The following CCDC6 variants were observed in gnomAD, a reference collection of about 807,000 sequenced individuals.
CCDC6 encodes coiled-coil domain-containing protein 6.
In CCDC6, 20 loss-of-function variants were observed where a neutral mutation model predicts 56.6. The ratio of observed to expected loss-of-function variants is 0.35; its 90% CI spans 0.25 to 0.51. The LOEUF (loss-of-function observed/expected upper bound fraction) is 0.51, where lower values mean the gene tolerates loss of function less well. CCDC6 is among the 20% of genes least tolerant of loss of function. The pLI is 0.95. For synonymous variants in CCDC6, 241 were observed against 234.4 expected (o/e 1.03, Z -0.26); for missense variants, 367 against 601.1 (o/e 0.61, Z 4.07).
intron 2 of CCDC6, among the ~76,000 whole-genome samples, chr10:59,841,871 G>A (rs947588066): frequency 6.6e-6 from 1 of 151,752 alleles, no homozygotes; most frequent in African/African-American, 2.4e-5. Context: ...GTTTCACCAC[G>A]TTAGCCAGGA....
intron 2 of CCDC6, among the ~76,000 whole-genome samples, chr10:59,834,270 C>T (rs1441316275): frequency 3.3e-5 from 5 of 152,116 alleles, no homozygotes; most frequent in African/African-American, 7.2e-5. Flanking sequence ...CAGGGGCTCA[C>T]GCCTGTAATC....
In CCDC6 at chr10:59,884,936, C is replaced by T. The variant is rs150346128; in HGVS notation, c.303+21186G>A. ...AAAATTAGCCAGGCATGGTGACACA[C>T]GCCTGTAGTCCCAGCTGCTTGGGAG... On this transcript the variant is annotated intron_variant, in intron 1 of 8. Coordinates refer to ENST00000263102, the MANE Select transcript of CCDC6 (RefSeq NM_005436.5). Among the ~76,000 whole-genome samples the T allele has an allele frequency of 1.5e-3, 221 of 152,038 alleles. 1 individual carries two copies. The highest frequency in any genetic ancestry group is 3.9e-3 in the African/African-American group (163 of 41,468).
chr10:59,843,950 A>C (rs937990670), intron 2 of CCDC6, among the ~76,000 whole-genome samples: 16 of 152,076 alleles, frequency 1.1e-4, no homozygotes, highest in African/African-American at 3.6e-4. Context: ...CCAAAACCAC[A>C]ATTTACTATC....
In CCDC6 at chr10:59,792,443, A is replaced by C. The variant is rs527665676; in HGVS notation, c.*474T>G. 1 of 428,068 alleles carries C rather than the reference A, an allele frequency of 2.3e-6. No homozygotes were observed. The highest frequency in any genetic ancestry group is 2.0e-5 in the African/African-American group (1 of 50,402). The allele number at this position is 428,068 out of a possible 1,614,324, so 26.5% of individuals were successfully genotyped here. A position where few individuals can be genotyped will look rare whatever the true frequency, so the allele number is the denominator to read the frequency against. ...GTTCTACACTGAAAGCCAGATTTTC[A>C]AAGGTCTGAATTGTAGTGCTGAATT... On this transcript the variant is annotated 3_prime_UTR_variant, in exon 9 of 9. Coordinates refer to ENST00000263102, the MANE Select transcript of CCDC6 (RefSeq NM_005436.5).
At chr10:59,856,709 A>G (rs2071083148) in intron 1 of CCDC6, among the ~76,000 whole-genome samples, 1 of 152,170 alleles carries the variant, frequency 6.6e-6, no homozygotes, top group South Asian at 2.1e-4. Flanking sequence ...AGGCTACCTC[A>G]TGAAATCTCA....
At chr10:59,868,440 C>T (rs758993530) in intron 1 of CCDC6, among the ~76,000 whole-genome samples, 2 of 152,162 alleles carry the variant, frequency 1.3e-5, no homozygotes, top group South Asian at 2.1e-4. Flanking sequence ...GCCACTAGAC[C>T]GTTCCTGTGA....
chr10:59,838,606 G>A (rs150421350), intron 2 of CCDC6, among the ~76,000 whole-genome samples: 1 of 152,310 alleles, frequency 6.6e-6, no homozygotes, highest in African/African-American at 2.4e-5. Context: ...ATGGATGGGT[G>A]TAAGCCAGGG....
chr10:59,842,989 G>A (rs1247538685), intron 2 of CCDC6, among the ~76,000 whole-genome samples: 2 of 151,980 alleles, frequency 1.3e-5, no homozygotes, highest in East Asian at 1.9e-4. Context: ...TCCCGACTTC[G>A]TGATCCACCT....
At chr10:59,813,131 T>C (rs1460458292) in intron 4 of CCDC6, among the ~76,000 whole-genome samples, 2 of 152,234 alleles carry the variant, frequency 1.3e-5, no homozygotes, top group East Asian at 3.8e-4. Flanking sequence ...TGACTCAATG[T>C]TCAACTTCTT....
At chr10:59,864,916 A>G (rs943791467) in intron 1 of CCDC6, among the ~76,000 whole-genome samples, 2 of 152,236 alleles carry the variant, frequency 1.3e-5, no homozygotes, top group East Asian at 3.8e-4. Context: ...AAGAGTCACA[A>G]ACTACAAGGG....
At chr10:59,821,061 G>T (rs1447785170) in intron 3 of CCDC6, among the ~76,000 whole-genome samples, 1 of 151,944 alleles carries the variant, frequency 6.6e-6, no homozygotes, top group Non-Finnish European at 1.5e-5. Context: ...TGACCTGGGG[G>T]TACATCAACA....
chr10:59,832,745 T>A, intron 2 of CCDC6, 92 bp from the exon 3 acceptor site: 1 of 1,388,032 alleles, frequency 7.2e-7, no homozygotes, highest in Non-Finnish European at 9.8e-7. Context: ...AAAGAAGCTA[T>A]ACCACAAAAG....
chr10:59,871,054 G>T (rs929875551), intron 1 of CCDC6, among the ~76,000 whole-genome samples: 2 of 152,168 alleles, frequency 1.3e-5, no homozygotes, highest in African/African-American at 4.8e-5. Context: ...CAGTAAATTG[G>T]AGAGGCAAAA....
chr10:59,841,633 T>C (rs2070939683), intron 2 of CCDC6, among the ~76,000 whole-genome samples: 2 of 152,154 alleles, frequency 1.3e-5, no homozygotes, highest in South Asian at 4.2e-4. Flanking sequence ...ACAATCAATA[T>C]AGGTAAATGC....
intron 2 of CCDC6, among the ~76,000 whole-genome samples, chr10:59,838,665 C>T (rs1366149528): frequency 6.6e-6 from 1 of 152,196 alleles, no homozygotes; most frequent in Non-Finnish European, 1.5e-5. Context: ...TTTTCTGACT[C>T]TTGAAAAGAA....
At chr10:59,868,956 T>C (rs2071201702) in intron 1 of CCDC6, among the ~76,000 whole-genome samples, 1 of 152,076 alleles carries the variant, frequency 6.6e-6, no homozygotes, top group Non-Finnish European at 1.5e-5. Flanking sequence ...TTGCGGCCTT[T>C]TGTTCTAATA....
intron 1 of CCDC6, among the ~76,000 whole-genome samples, chr10:59,877,617 C>G (rs763100270): frequency 6.6e-6 from 1 of 152,182 alleles, no homozygotes; most frequent in Non-Finnish European, 1.5e-5. Context: ...GCAAGAGAGA[C>G]AGTGGAGGAG....
At chr10:59,839,469 T>C (rs1211315807) in intron 2 of CCDC6, among the ~76,000 whole-genome samples, 1 of 152,192 alleles carries the variant, frequency 6.6e-6, no homozygotes, top group Non-Finnish European at 1.5e-5. Context: ...AAACAACGGT[T>C]GGGGGTGGGG....
chr10:59,898,622 C>A (rs1262083749), intron 1 of CCDC6, among the ~76,000 whole-genome samples: 1 of 152,200 alleles, frequency 6.6e-6, no homozygotes, highest in Non-Finnish European at 1.5e-5. Flanking sequence ...CAGCACCAGG[C>A]CAGGGCCAGG....
Sources: allele counts gnomAD v4.1 joint callset (sites outside exome capture counted in the v4.1 genomes callset), GRCh38; gene constraint gnomAD v4.1.1; transcripts MANE v1.5; gene names NCBI Gene and HGNC (gene_info 2026-07-23, HGNC 2026-07-21).